Variants in RGL1 observed in about 807,000 individuals in gnomAD.
The protein encoded by RGL1 is ral guanine nucleotide dissociation stimulator-like 1.
Under a neutral mutation model 95.2 loss-of-function variants are expected in RGL1, and 24 were observed. The ratio of observed to expected loss-of-function variants is 0.25; its 90% CI spans 0.18 to 0.35. The LOEUF is 0.35. Ranked by LOEUF, RGL1 falls within the 10% of genes least tolerant of loss-of-function variation. RGL1 has a pLI of 1.00. For missense variants in RGL1, 715 were observed against 936.3 expected, an observed-to-expected ratio of 0.76 and a Z score of 3.08; for synonymous variants, 329 against 344.9, an observed-to-expected ratio of 0.95 and a Z score of 0.51.
chr1:183,832,342 T>C (rs1187209462), intron 2 of RGL1, among the ~76,000 whole-genome samples: 1 of 152,184 alleles, frequency 6.6e-6, no homozygotes, highest in Non-Finnish European at 1.5e-5. Context: ...TTTCCTTATG[T>C]ATGTGTTAAA....
intron 2 of RGL1, among the ~76,000 whole-genome samples, chr1:183,759,218 G>C (rs577367522): frequency 6.6e-6 from 1 of 152,306 alleles, no homozygotes; most frequent in South Asian, 2.1e-4. Flanking sequence ...GTGGTCATGA[G>C]GCAGAAGACA....
chr1:183,917,181 G>A (rs191447567), intron 16 of RGL1, among the ~76,000 whole-genome samples: 14 of 152,288 alleles, frequency 9.2e-5, no homozygotes, highest in African/African-American at 2.9e-4. Flanking sequence ...ATCAAACCTA[G>A]TTAATAAAGT....
chr1:183,746,375 CAT>C (rs1168175785), intron 2 of RGL1, among the ~76,000 whole-genome samples: 1 of 151,920 alleles, frequency 6.6e-6, no homozygotes, highest in Non-Finnish European at 1.5e-5. Context: ...TATATAAACA[CAT>C]ATATATTTAT....
chr1:183,853,958 G>A (rs1471940296), intron 3 of RGL1, among the ~76,000 whole-genome samples: 3 of 152,150 alleles, frequency 2.0e-5, no homozygotes, highest in Non-Finnish European at 4.4e-5. Flanking sequence ...TTGAGCATCA[G>A]TGCTGTTATT....
At chr1:183,779,044 A>G (rs1297682134) in intron 2 of RGL1, among the ~76,000 whole-genome samples, 1 of 152,146 alleles carries the variant, frequency 6.6e-6, no homozygotes, top group Non-Finnish European at 1.5e-5. Flanking sequence ...AGGAAGAAAG[A>G]AGGGGAAACT....
chr1:183,770,233 G>T (rs531922909), intron 2 of RGL1, among the ~76,000 whole-genome samples: 12 of 152,286 alleles, frequency 7.9e-5, no homozygotes, highest in African/African-American at 2.9e-4. Flanking sequence ...ACCCACGAAA[G>T]ACATCATCTG....
intron 1 of RGL1, among the ~76,000 whole-genome samples, chr1:183,642,197 C>T (rs1025818546): frequency 5.3e-5 from 8 of 152,292 alleles, no homozygotes; most frequent in Admixed American, 2.6e-4. Context: ...TTATCCTGTT[C>T]ATATTTTATT....
At chr1:183,853,332 G>GA (rs993172118) in intron 3 of RGL1, among the ~76,000 whole-genome samples, 7 of 150,870 alleles carry the variant, frequency 4.6e-5, no homozygotes, top group Admixed American at 2.6e-4. Flanking sequence ...CTGTCTAAAA[G>GA]AAAAAAAAAG....
At position 183,759,332 on chromosome 1, in the gene RGL1, G is replaced by A. The variant is rs542952744; in HGVS notation, c.132+17043G>A. 2.6e-5 allele frequency among the ~76,000 whole-genome samples: 4 copies of A among 152,244 alleles called. 1 individual carries two copies. In the South Asian group the frequency reaches 8.3e-4, roughly 32 times the overall value. ...GGATTGGTTAGTTTGAACACTTTTG[G>A]TGGGTTTTCTGCTATAGGAGTAGTT... On this transcript the variant is annotated intron_variant, in intron 2 of 18. Coordinates refer to the RGL1 transcript ENST00000304685.
intron 1 of RGL1, among the ~76,000 whole-genome samples, chr1:183,717,361 A>G (rs921092339): frequency 2.0e-5 from 3 of 152,192 alleles, no homozygotes; most frequent in African/African-American, 7.2e-5. Flanking sequence ...TATATTCAAG[A>G]TATTAAACAT....
At chr1:183,735,265 T>G (rs12734523) in intron 1 of RGL1, among the ~76,000 whole-genome samples, 67,768 of 151,926 alleles carry the variant, frequency 0.45, 16,350 homozygotes, top group East Asian at 0.76. Flanking sequence ...CAGACAGTAT[T>G]GTGCAACCTT....
intron 2 of RGL1, among the ~76,000 whole-genome samples, chr1:183,790,088 T>A (rs75803233): frequency 1.3e-5 from 2 of 149,726 alleles, no homozygotes; most frequent in Non-Finnish European, 3.0e-5. Flanking sequence ...ACCCAGCTAA[T>A]TTTTTTTTTA....
intron 2 of RGL1, among the ~76,000 whole-genome samples, chr1:183,830,779 A>G (rs1248893467): frequency 2.0e-5 from 3 of 152,210 alleles, no homozygotes; most frequent in Non-Finnish European, 4.4e-5. Context: ...AGTCATTTTA[A>G]TAAATTCACT....
rs763599802 is a variant in RGL1, at chr1:183,907,050, C to G, written c.1511C>G (p.Ala504Gly). ...TGTGAGATTGAAGCAGCTGCTGACG[C>G]CAGCACCACCTCGCCCAAGCCTCGG... is the stretch of plus-strand genomic sequence containing the variant. ...LSCEIEAAADASTTSPKPRKS... is the reference protein window; with the variant it reads ...LSCEIEAAADGSTTSPKPRKS... Residue 504 changes from alanine (A) to glycine (G), a missense_variant, in exon 14 of 18, where the codon GCC becomes GGC. Ala to Gly is a moderately conservative substitution (Grantham distance 60). This residue lies in a region of RGL1 where 330 missense variants were observed against 429.6 expected (regional missense o/e 0.77). Coordinates refer to ENST00000360851, the MANE Select transcript of RGL1 (RefSeq NM_001297671.3). 4 of 1,612,322 alleles carry G rather than the reference C, an allele frequency of 2.5e-6. No individual in the cohort carries two copies. In the East Asian group the frequency reaches 8.9e-5, roughly 36 times the overall value.
chr1:183,827,777 A>G lies in RGL1; in HGVS notation c.139-19789A>G, dbSNP rs139641944. On this transcript the variant is annotated intron_variant, in intron 2 of 17. Coordinates refer to ENST00000360851, the MANE Select transcript of RGL1 (RefSeq NM_001297671.3). Reference sequence around the variant, plus strand: ...CTGTGTACGCTATTTCCCTGGCTCAATATAATATAAGTTTTTAAACTTTAC... The same window carrying G: ...CTGTGTACGCTATTTCCCTGGCTCAGTATAATATAAGTTTTTAAACTTTAC... Among the ~76,000 whole-genome samples the G allele has an allele frequency of 5.3e-3, 807 of 152,332 alleles. 6 individuals carry two copies. Among genetic ancestry groups the G allele is most frequent in the African/African-American group, 0.018 (761 of 41,574 alleles).
At chr1:183,664,984 G>GT (rs1340033917) in intron 1 of RGL1, among the ~76,000 whole-genome samples, 3 of 152,136 alleles carry the variant, frequency 2.0e-5, no homozygotes, top group African/African-American at 4.8e-5. Flanking sequence ...AAGCTTTATT[G>GT]TTTTTTACCA....
intron 1 of RGL1, among the ~76,000 whole-genome samples, chr1:183,706,587 G>A (rs546730009): frequency 5.3e-5 from 8 of 152,322 alleles, no homozygotes; most frequent in Non-Finnish European, 5.9e-5. Flanking sequence ...CCTCCACAGA[G>A]GGGGCACAGC....
intron 4 of RGL1, among the ~76,000 whole-genome samples, chr1:183,879,549 G>T (rs1185692767): frequency 6.6e-6 from 1 of 152,196 alleles, no homozygotes; most frequent in Admixed American, 6.5e-5. Flanking sequence ...ATGAGGTGTT[G>T]TGTCTCTGTC....
At chr1:183,849,615 T>C (rs1163604056) in intron 3 of RGL1, among the ~76,000 whole-genome samples, 1 of 149,728 alleles carries the variant, frequency 6.7e-6, no homozygotes, top group Non-Finnish European at 1.5e-5. Flanking sequence ...CTCAGCCTCC[T>C]GGGTAGCTGG....
Sources: gnomAD v4.1 joint callset for allele counts (sites outside exome capture counted in the v4.1 genomes callset) on GRCh38, gnomAD v4.1.1 for gene constraint, gnomAD v4.1.1 regional missense constraint, MANE v1.5 for transcripts, NCBI Gene and HGNC (gene_info 2026-07-23, HGNC 2026-07-21) for gene names.